The following CACNG2 variants were observed in gnomAD, a reference collection of about 807,000 sequenced individuals.
CACNG2 encodes calcium voltage-gated channel auxiliary subunit gamma 2.
A neutral mutation model predicts 25.9 loss-of-function variants in CACNG2; 3 were observed. That is an observed-to-expected ratio of 0.12 (90% CI 0.05 to 0.30). The LOEUF is 0.30. Among genes scored for constraint, CACNG2 ranks in the 10% least tolerant of loss-of-function variants. The probability of loss-of-function intolerance (pLI) is 1.00; values close to 1 mark genes in which losing one functional copy is unlikely to be tolerated. For synonymous variants in CACNG2, 167 were observed against 173.3 expected (o/e 0.96, Z 0.29); for missense variants, 341 against 432.5 (o/e 0.79, Z 1.88).
chr22:36,648,356 T>C (rs963712427), intron 1 of CACNG2, among the ~76,000 whole-genome samples: 2 of 152,244 alleles, frequency 1.3e-5, no homozygotes, highest in Admixed American at 6.5e-5. Context: ...CAATTCTTTA[T>C]CAGTGAAATC....
chr22:36,629,394 G>A (rs563662248), intron 1 of CACNG2, among the ~76,000 whole-genome samples: 6 of 152,296 alleles, frequency 3.9e-5, no homozygotes, highest in African/African-American at 1.4e-4. Flanking sequence ...GGAGCTCAGA[G>A]CTTGGGGGAG....
chr22:36,629,240 A>G (rs1936231060), intron 1 of CACNG2, among the ~76,000 whole-genome samples: 2 of 152,194 alleles, frequency 1.3e-5, no homozygotes, highest in African/African-American at 2.4e-5. Flanking sequence ...CTGGTGAAGA[A>G]TATGTTCATT....
intron 1 of CACNG2, among the ~76,000 whole-genome samples, chr22:36,627,421 A>G (rs527741058): frequency 3.9e-5 from 6 of 152,224 alleles, no homozygotes; most frequent in African/African-American, 1.4e-4. Context: ...TGTGATTTTA[A>G]AAGCAGGGCA....
chr22:36,656,508 G>C (rs1350802567), intron 1 of CACNG2, among the ~76,000 whole-genome samples: 2 of 152,088 alleles, frequency 1.3e-5, no homozygotes, highest in Non-Finnish European at 2.9e-5. Flanking sequence ...CTTACACCTG[G>C]ATGGCTGTAA....
chr22:36,565,710 G>A (rs138991231), intron 3 of CACNG2, among the ~76,000 whole-genome samples: 19 of 152,250 alleles, frequency 1.2e-4, no homozygotes, highest in Admixed American at 2.6e-4. Context: ...GGCTGGTCTC[G>A]GACTCCTGAG....
chr22:36,664,435 C>T (rs769500442), intron 1 of CACNG2, among the ~76,000 whole-genome samples: 1 of 152,214 alleles, frequency 6.6e-6, no homozygotes, highest in Non-Finnish European at 1.5e-5. Context: ...TCATTCCACT[C>T]GAGAGCGTCC....
chr22:36,680,144 CCAT>C (rs1450564334), intron 1 of CACNG2, among the ~76,000 whole-genome samples: 15 of 149,642 alleles, frequency 1.0e-4, no homozygotes, highest in African/African-American at 3.4e-4. Flanking sequence ...ACCATCACCA[CCAT>C]CACTACCACC....
intron 1 of CACNG2, among the ~76,000 whole-genome samples, chr22:36,678,280 G>T (rs1325166225): frequency 6.6e-6 from 1 of 152,168 alleles, no homozygotes; most frequent in East Asian, 1.9e-4. Flanking sequence ...GGGGTAGGAG[G>T]AGGAAAGCCT....
intron 1 of CACNG2, among the ~76,000 whole-genome samples, chr22:36,595,560 T>C (rs1360820612): frequency 1.3e-5 from 2 of 151,878 alleles, no homozygotes; most frequent in Non-Finnish European, 2.9e-5. Flanking sequence ...ATTGGTGGGA[T>C]TGGAGATTTG....
chr22:36,669,385 G>C (rs957852702), intron 1 of CACNG2, among the ~76,000 whole-genome samples: 25 of 151,784 alleles, frequency 1.6e-4, no homozygotes, highest in African/African-American at 5.8e-4. Flanking sequence ...GTGGGTGCCT[G>C]TAATCCCAGC....
intron 1 of CACNG2, among the ~76,000 whole-genome samples, chr22:36,612,819 C>G (rs1370819617): frequency 6.6e-6 from 1 of 152,174 alleles, no homozygotes; most frequent in African/African-American, 2.4e-5. Context: ...GAACCCAGAC[C>G]AAAGAAGTCT....
At chr22:36,654,854 C>T (rs187476767) in intron 1 of CACNG2, among the ~76,000 whole-genome samples, 49 of 152,102 alleles carry the variant, frequency 3.2e-4, no homozygotes, top group Admixed American at 5.2e-4. Context: ...TGTTTTGGGA[C>T]GTATTCTTGC....
intron 1 of CACNG2, among the ~76,000 whole-genome samples, chr22:36,689,386 TA>T (rs1937241100): frequency 6.6e-6 from 1 of 152,062 alleles, no homozygotes; most frequent in South Asian, 2.1e-4. Context: ...TCAGAGAACG[TA>T]AAATCCAACG....
chr22:36,570,912 G>T (rs1935215012), intron 2 of CACNG2, among the ~76,000 whole-genome samples: 1 of 152,102 alleles, frequency 6.6e-6, no homozygotes, highest in African/African-American at 2.4e-5. Context: ...GTTTCTTGAA[G>T]GAGGTATTTC....
At chr22:36,593,614 C>G (rs192780458) in intron 1 of CACNG2, among the ~76,000 whole-genome samples, 11 of 152,126 alleles carry the variant, frequency 7.2e-5, no homozygotes, top group African/African-American at 2.7e-4. Context: ...GACCTAAATT[C>G]TAGAAGGTGC....
chr22:36,645,308 C>A (rs930222999), intron 1 of CACNG2, among the ~76,000 whole-genome samples: 2 of 151,994 alleles, frequency 1.3e-5, no homozygotes, highest in Non-Finnish European at 2.9e-5. Context: ...GAGGCTGAGA[C>A]GGGCGGATCA....
chr22:36,627,606 GAGA>G (rs1936203163), intron 1 of CACNG2, among the ~76,000 whole-genome samples: 1 of 151,628 alleles, frequency 6.6e-6, no homozygotes, highest in South Asian at 2.1e-4. Context: ...AGTTGCCATG[GAGA>G]CCACTCAAAA....
chr22:36,625,949 T>C (rs1020020766), intron 1 of CACNG2, among the ~76,000 whole-genome samples: 1 of 152,134 alleles, frequency 6.6e-6, no homozygotes, highest in Admixed American at 6.6e-5. Flanking sequence ...AGATGGAATC[T>C]TACTCTGTCA....
intron 1 of CACNG2, among the ~76,000 whole-genome samples, chr22:36,640,866 G>A (rs1261095200): frequency 6.6e-6 from 1 of 152,004 alleles, no homozygotes. Context: ...GCCCTTCCGT[G>A]TCTGTCCTCC....
Sources: gnomAD v4.1 joint callset for allele counts (sites outside exome capture counted in the v4.1 genomes callset) on GRCh38, gnomAD v4.1.1 for gene constraint, MANE v1.5 for transcripts, NCBI Gene and HGNC (gene_info 2026-07-23, HGNC 2026-07-21) for gene names.